The following GABBR1 variants were observed in gnomAD, a reference collection of about 807,000 sequenced individuals.
GABBR1 encodes gamma-aminobutyric acid type B receptor subunit 1, also known as GABA-B receptor, R1 subunit.
Under a neutral mutation model 117.7 loss-of-function variants are expected in GABBR1, and 35 were observed. The ratio of observed to expected loss-of-function variants is 0.30; its 90% confidence interval spans 0.23 to 0.39. The LOEUF (loss-of-function observed/expected upper bound fraction) is 0.39, where lower values mean the gene tolerates loss of function less well. GABBR1 is among the 10% of genes least tolerant of loss of function. The probability of loss-of-function intolerance (pLI) is 1.00; values close to 1 mark genes in which losing one functional copy is unlikely to be tolerated. For missense variants in GABBR1, 709 were observed against 1,241.8 expected (o/e 0.57, Z 6.45); for synonymous variants, 442 against 486.6 (o/e 0.91, Z 1.21).
chr6:29,632,899 A>T lies in GABBR1; in HGVS notation c.-50T>A. The T allele has an allele frequency of 4.3e-6, 1 of 230,198 alleles. No individual in the cohort carries two copies. 14.3% of individuals were successfully genotyped at this position (230,198 alleles called of 1,614,324 possible). ...GGCTCTCCCCGGGCCTCAAGGCCCC[A>T]GGCCCGGCCGCTCCTCCCCGCTCCC... On this transcript the variant is annotated 5_prime_UTR_variant, in exon 1 of 23. Transcript: ENST00000377034. This position sits in a 1 kb window ranked among gnomAD's most constrained non-coding sequence, Gnocchi z 5.8.
chr6:29,623,253 G>T lies in GABBR1; in HGVS notation c.963+52C>A. ...AGTGACTCTCACGTCACATCTCCTG[G>T]TGCTGGAATTTGAGCTTATGTCCCT... On this transcript the variant is annotated intron_variant, in intron 8 of 22. Transcript: ENST00000377034. This position sits in a 1 kb window ranked among gnomAD's most constrained non-coding sequence, Gnocchi z 6.2. 6.6e-7 allele frequency: 1 copy of T among 1,526,334 alleles called. No homozygotes were observed. Among genetic ancestry groups the T allele is most frequent in the Non-Finnish European group, 9.0e-7 (1 of 1,115,588 alleles). The allele number at this position is 1,526,334 out of a possible 1,614,324, so 94.5% of individuals were successfully genotyped here.
Position 29,613,492 on chromosome 6 carries a change from A to C in GABBR1, c.1324-7T>G. The C allele has an allele frequency of 1.2e-6, 2 of 1,610,984 alleles. No homozygotes were observed. Among genetic ancestry groups the C allele is most frequent in the South Asian group, 1.1e-5 (1 of 91,032 alleles). ...CCACAAATTCCTGGGATGTCTTGGG[A>C]GGAAAAAATCATGAGGAAAGAACTG... is the stretch of plus-strand genomic sequence containing the variant. On this transcript the variant is annotated splice_polypyrimidine_tract_variant and splice_region_variant and intron_variant, in intron 11 of 22. Coordinates refer to ENST00000377034, the MANE Select transcript of GABBR1 (RefSeq NM_001470.4). This position sits in a 1 kb window ranked among gnomAD's most constrained non-coding sequence, Gnocchi z 4.1.
rs758719580 is a variant in GABBR1, at chr6:29,627,695, G to T, written c.497-49C>A. 1.2e-5 allele frequency: 18 copies of T among 1,532,462 alleles called. No individual in the cohort carries two copies. In the Admixed American group the frequency reaches 3.2e-4, roughly 27 times the overall value. The allele number at this position is 1,532,462 out of a possible 1,614,324, so 94.9% of individuals were successfully genotyped here. ...CGCGAGTGAGGCCGCGGGAGATGGG[G>T]GGAGTGGGAGGCCCACACCGGAGCC... is the stretch of plus-strand genomic sequence containing the variant. On this transcript the variant is annotated intron_variant, in intron 5 of 22. Coordinates refer to ENST00000377034, the MANE Select transcript of GABBR1 (RefSeq NM_001470.4). This position sits in a 1 kb window ranked among gnomAD's most constrained non-coding sequence, Gnocchi z 4.4.
chr6:29,615,609 TA>T (rs28751302), intron 11 of GABBR1, among the ~76,000 whole-genome samples: 2,494 of 121,376 alleles, frequency 0.021, 37 homozygotes, highest in African/African-American at 0.059. Flanking sequence ...ACTCTGCCTT[TA>T]AAAAAAAAAA....
In GABBR1 at chr6:29,605,009, A is replaced by T. The variant is rs1761803656; in HGVS notation, c.2440-21T>A. ...AGGACCTAGAGGGAAAGACACATTG[A>T]GGGAGTCTCAGGTCTGCAGGCTCAG... On this transcript the variant is annotated intron_variant, in intron 20 of 22. Coordinates refer to ENST00000377034, the MANE Select transcript of GABBR1 (RefSeq NM_001470.4). This position sits in a 1 kb window ranked among gnomAD's most constrained non-coding sequence, Gnocchi z 4.2. The T allele has an allele frequency of 1.9e-6, 3 of 1,595,500 alleles. No individual in the cohort carries two copies. Among genetic ancestry groups the T allele is most frequent in the Non-Finnish European group, 1.7e-6 (2 of 1,172,270 alleles).
Position 29,613,613 on chromosome 6 carries a change from C to T in GABBR1, c.1324-128G>A, listed in dbSNP as rs2127411247. The T allele has an allele frequency of 8.5e-7, 1 of 1,183,358 alleles. No homozygotes were observed. Among genetic ancestry groups the T allele is most frequent in the Non-Finnish European group, 1.2e-6 (1 of 838,008 alleles). The allele number at this position is 1,183,358 out of a possible 1,614,324, so 73.3% of individuals were successfully genotyped here. On this transcript the variant is annotated intron_variant, in intron 11 of 22. Transcript: ENST00000377034. The surrounding 1 kb of genome is among the most constrained non-coding windows in gnomAD (Gnocchi z 4.1). ...TTTGTGTTACTGTTGTCAGATTGGA[C>T]ACATGTACATTCAAAATCTTTAACT... is the stretch of plus-strand genomic sequence containing the variant.
intron 6 of GABBR1, among the ~76,000 whole-genome samples, chr6:29,624,562 C>T (rs1448549015): frequency 1.3e-5 from 2 of 152,082 alleles, no homozygotes; most frequent in African/African-American, 4.8e-5. Flanking sequence ...AGGAACAAGA[C>T]CAGTAGGGGG....
chr6:29,625,077 C>A (rs572969637), intron 6 of GABBR1, among the ~76,000 whole-genome samples: 61 of 151,756 alleles, frequency 4.0e-4, no homozygotes, highest in Non-Finnish European at 7.9e-4. Flanking sequence ...ATTTGGGACA[C>A]GGTGGGAAGT....
intron 12 of GABBR1, 101 bp from the exon 13 acceptor site, chr6:29,612,715 G>T: frequency 2.0e-6 from 2 of 1,017,266 alleles, no homozygotes; most frequent in Non-Finnish European, 3.1e-6. Context: ...ATGTAATTGA[G>T]CCTCTGAATG....
Position 29,621,177 on chromosome 6 carries a change from G to C in GABBR1, c.1247C>G (p.Thr416Ser), listed in dbSNP as rs1251055424. 1.2e-6 allele frequency: 2 copies of C among 1,612,892 alleles called. No individual in the cohort carries two copies. Among genetic ancestry groups the C allele is most frequent in the African/African-American group, 1.3e-5 (1 of 74,900 alleles). ...PSINCTVDEMTEAVEGHITTE... is the reference protein window; with the variant it reads ...PSINCTVDEMSEAVEGHITTE... ...TGTGATGTGGCCCTCCACCGCCTCA[G>C]TCATCTCATCCACTGTGCAGTTGAT... Residue 416 changes from threonine (T) to serine (S), a missense_variant, in exon 11 of 23, where the codon ACT (threonine) becomes AGT (serine). By Grantham distance (58) the Thr-to-Ser change is moderately conservative. Coordinates refer to ENST00000377034, the MANE Select transcript of GABBR1 (RefSeq NM_001470.4). The surrounding 1 kb of genome is among the most constrained non-coding windows in gnomAD (Gnocchi z 5.0).
rs1027940561 is a variant in GABBR1, at chr6:29,610,368, G to T, written c.1708+556C>A. Among the ~76,000 whole-genome samples the T allele has an allele frequency of 2.0e-5, 3 of 152,184 alleles. 1 individual carries two copies. The highest frequency in any genetic ancestry group is 2.1e-4 in the South Asian group (1 of 4,820). On this transcript the variant is annotated intron_variant, in intron 14 of 22. Transcript: ENST00000377034. Reference sequence around the variant, plus strand: ...TGTTCGGGTGACAGGCACACTAAACGCCCGGACTTCACCACTATGCAATAT... The same window carrying T: ...TGTTCGGGTGACAGGCACACTAAACTCCCGGACTTCACCACTATGCAATAT...
chr6:29,608,333 C>T lies in GABBR1; in HGVS notation c.1992+268G>A, dbSNP rs1365784132. ...CTTTGAGCAGATCCCCTTCCTTTGC[C>T]TTCAATGGCTCCCTCCTCTTCTCTG... On this transcript the variant is annotated intron_variant, in intron 16 of 22. Transcript: ENST00000377034. 5 of 372,528 alleles carry T rather than the reference C, an allele frequency of 1.3e-5. No homozygotes were observed. In the East Asian group the frequency reaches 2.0e-4, roughly 15 times the overall value. The allele number at this position is 372,528 out of a possible 1,614,324, so 23.1% of individuals were successfully genotyped here.
chr6:29,630,293 G>A lies in GABBR1; in HGVS notation c.475+165C>T, dbSNP rs574576694. 8.2e-6 allele frequency: 5 copies of A among 609,304 alleles called. No homozygotes were observed. The East Asian group carries it at 1.1e-4, about 13-fold the overall frequency. 37.7% of individuals were successfully genotyped at this position (609,304 alleles called of 1,614,324 possible). A position where few individuals can be genotyped will look rare whatever the true frequency, so the allele number is the denominator to read the frequency against. On this transcript the variant is annotated intron_variant, in intron 4 of 22. Coordinates refer to ENST00000377034, the MANE Select transcript of GABBR1 (RefSeq NM_001470.4). This position sits in a 1 kb window ranked among gnomAD's most constrained non-coding sequence, Gnocchi z 4.9. Reference sequence around the variant, plus strand: ...AGGATACCGGGGACTGCAAGAGGAAGTTTGAGGCAGGTGATGGAGGAAAAA... The same window carrying A: ...AGGATACCGGGGACTGCAAGAGGAAATTTGAGGCAGGTGATGGAGGAAAAA...
chr6:29,608,552 C>G, intron 16 of GABBR1, 49 bp downstream of exon 16: 1 of 1,587,136 alleles, frequency 6.3e-7, no homozygotes. Context: ...GCTCCTGAGA[C>G]GGGTGGGAGA....
Position 29,622,149 on chromosome 6 carries a change from G to C in GABBR1, c.1020C>G (p.Arg340=). Residue 340 remains arginine, a synonymous_variant, in exon 9 of 23, where the codon CGC becomes CGG. Coordinates refer to ENST00000377034, the MANE Select transcript of GABBR1 (RefSeq NM_001470.4). This position sits in a 1 kb window ranked among gnomAD's most constrained non-coding sequence, Gnocchi z 4.6. ...CAGCTGGATCTGAGAAGAAACTCTGGCGGAAAGTAATCTCAATTCCAGCCT... is the reference window on the plus strand; with the variant it reads ...CAGCTGGATCTGAGAAGAAACTCTGCCGGAAAGTAATCTCAATTCCAGCCT... ...VKEAGIEITF[R]QSFFSDPAVP... The C allele has an allele frequency of 1.2e-6, 2 of 1,614,166 alleles. No homozygotes were observed.
intron 11 of GABBR1, among the ~76,000 whole-genome samples, chr6:29,615,003 A>AG (rs1554188150): frequency 2.7e-5 from 4 of 149,352 alleles, no homozygotes; most frequent in African/African-American, 7.3e-5. Flanking sequence ...AAAAAAAAAA[A>AG]GGCCAGGCAC....
Position 29,612,625 on chromosome 6 carries a change from G to A in GABBR1, c.1567-11C>T. 1 of 1,613,146 alleles carries A rather than the reference G, an allele frequency of 6.2e-7. No individual in the cohort carries two copies. On this transcript the variant is annotated splice_polypyrimidine_tract_variant and intron_variant, in intron 12 of 22. Coordinates refer to ENST00000377034, the MANE Select transcript of GABBR1 (RefSeq NM_001470.4). ...AAACACCACATGGCCCTGAGGGAAGGAACATGTGGAGCAAGGCAAAGGAGA... is the reference window on the plus strand; with the variant it reads ...AAACACCACATGGCCCTGAGGGAAGAAACATGTGGAGCAAGGCAAAGGAGA...
intron 12 of GABBR1, among the ~76,000 whole-genome samples, chr6:29,612,824 T>A (rs993472715): frequency 6.6e-6 from 1 of 152,236 alleles, no homozygotes; most frequent in Non-Finnish European, 1.5e-5. Flanking sequence ...GCTTCACTTA[T>A]GAGATTTGAA....
In GABBR1 at chr6:29,630,633, G is replaced by A. The variant is rs1173028411; in HGVS notation, c.300C>T (p.Cys100=). ...MDTPSRCVRI[C]SKSYLTLENG... ...TTTCCAGGGTCAAATAAGACTTGGA[G>A]CAGATTCGGACTGTGGAGAGATAGG... The change falls in exon 4 of 23, where the codon TGC becomes TGT. Residue 100 remains cysteine (C), a synonymous_variant. Coordinates refer to ENST00000377034, the MANE Select transcript of GABBR1 (RefSeq NM_001470.4). This position sits in a 1 kb window ranked among gnomAD's most constrained non-coding sequence, Gnocchi z 4.9. 1 of 1,612,582 alleles carries A rather than the reference G, an allele frequency of 6.2e-7. No individual in the cohort carries two copies. The highest frequency in any genetic ancestry group is 1.1e-5 in the South Asian group (1 of 91,074).
Sources: allele counts gnomAD v4.1 joint callset (sites outside exome capture counted in the v4.1 genomes callset), GRCh38; gene constraint gnomAD v4.1.1; non-coding constraint Gnocchi (gnomAD v3.1); transcripts MANE v1.5; gene names NCBI Gene and HGNC (gene_info 2026-07-23, HGNC 2026-07-21).